The following NAALADL2 variants were observed in gnomAD, a reference collection of about 807,000 sequenced individuals.
NAALADL2 encodes the protein inactive N-acetylated-alpha-linked acidic dipeptidase-like protein 2.
NAALADL2 carries 76 observed loss-of-function variants against 87.2 expected under a neutral mutation model. The observed-to-expected ratio is 0.87, with a 90% CI of 0.72 to 1.05. The LOEUF (loss-of-function observed/expected upper bound fraction) is 1.05, where lower values mean the gene tolerates loss of function less well. Ranked by LOEUF, NAALADL2 falls within the 50% of genes least tolerant of loss-of-function variation. The pLI is 0.00. For missense variants in NAALADL2, 1,089 were observed against 945.8 expected, an observed-to-expected ratio of 1.15 and a Z score of -1.99; for synonymous variants, 354 against 331.0, an observed-to-expected ratio of 1.07 and a Z score of -0.75.
Position 175,628,743 on chromosome 3 carries a change from T to A in NAALADL2, c.1896+1357T>A, listed in dbSNP as rs578218083. Among the ~76,000 whole-genome samples the A allele has an allele frequency of 6.0e-4, 90 of 150,220 alleles. No individual in the cohort carries two copies. In the South Asian group the frequency reaches 7.9e-3, roughly 13 times the overall value. On this transcript the variant is annotated intron_variant, in intron 11 of 13. Coordinates refer to ENST00000454872, the MANE Select transcript of NAALADL2 (RefSeq NM_207015.3). ...TAGTGAAACTTTATGTAGTTGTTTT[T>A]TTCTTTTAAAAAGAGGAAATATGGT...
chr3:175,728,186 G>A (rs1048138629), intron 11 of NAALADL2, among the ~76,000 whole-genome samples: 7 of 152,040 alleles, frequency 4.6e-5, no homozygotes, highest in South Asian at 2.1e-4. Flanking sequence ...CTGTTTTTTC[G>A]AATATACAAG....
At chr3:175,662,310 T>A (rs564956850) in intron 11 of NAALADL2, among the ~76,000 whole-genome samples, 5 of 152,014 alleles carry the variant, frequency 3.3e-5, no homozygotes, top group Non-Finnish European at 7.4e-5. Context: ...CATTAGAACA[T>A]AGAAAAGCTA....
chr3:174,748,162 G>A (rs1734462143), intron 3 of NAALADL2, among the ~76,000 whole-genome samples: 1 of 152,006 alleles, frequency 6.6e-6, no homozygotes, highest in Admixed American at 6.6e-5. Flanking sequence ...GGTCTGTCAT[G>A]GGGGTGGAGG....
chr3:175,422,629 A>G (rs1464995086), intron 5 of NAALADL2, among the ~76,000 whole-genome samples: 3 of 151,810 alleles, frequency 2.0e-5, no homozygotes, highest in Admixed American at 6.6e-5. Context: ...CCAGAACGTG[A>G]TGTGCATCAC....
intron 2 of NAALADL2, among the ~76,000 whole-genome samples, chr3:174,690,788 A>G (rs946511863): frequency 2.0e-5 from 3 of 152,188 alleles, no homozygotes; most frequent in Non-Finnish European, 2.9e-5. Context: ...TTCTTAATGT[A>G]AATATCCACT....
At chr3:174,837,326 A>G (rs2109401741) in intron 3 of NAALADL2, among the ~76,000 whole-genome samples, 1 of 152,352 alleles carries the variant, frequency 6.6e-6, no homozygotes, top group East Asian at 1.9e-4. Flanking sequence ...AACTGACACC[A>G]CAGAAATACA....
intron 1 of NAALADL2, among the ~76,000 whole-genome samples, chr3:174,870,081 G>A (rs1294597774): frequency 6.6e-6 from 1 of 151,332 alleles, no homozygotes; most frequent in Non-Finnish European, 1.5e-5. Flanking sequence ...TTGTGGGTGT[G>A]TGTGTGTATG....
At chr3:174,984,769 A>G (rs75956605) in intron 1 of NAALADL2, among the ~76,000 whole-genome samples, 1 of 152,222 alleles carries the variant, frequency 6.6e-6, no homozygotes, top group East Asian at 1.9e-4. Flanking sequence ...TAGGGAAGGC[A>G]CATACAATTG....
rs1328987020 is a variant in NAALADL2, at chr3:175,765,460, G to T, written c.2189+10042G>T. Reference sequence around the variant, plus strand: ...ACAAAGAACATACCTCATTTTAACAGACAACATTCAAATACAATTTGATTA... The same window carrying T: ...ACAAAGAACATACCTCATTTTAACATACAACATTCAAATACAATTTGATTA... On this transcript the variant is annotated intron_variant, in intron 13 of 13. Transcript: ENST00000454872. Among the ~76,000 whole-genome samples, 3 of 151,900 alleles carry T rather than the reference G, an allele frequency of 2.0e-5. 1 individual carries two copies. Among genetic ancestry groups the T allele is most frequent in the African/African-American group, 7.3e-5 (3 of 41,378 alleles).
intron 9 of NAALADL2, among the ~76,000 whole-genome samples, chr3:175,483,913 AT>A (rs1165396560): frequency 6.6e-6 from 1 of 152,010 alleles, no homozygotes; most frequent in Non-Finnish European, 1.5e-5. Flanking sequence ...TGATTATTAT[AT>A]TGTTTTCTGG....
At chr3:175,333,638 A>G (rs1581461806) in intron 5 of NAALADL2, among the ~76,000 whole-genome samples, 1 of 152,220 alleles carries the variant, frequency 6.6e-6, no homozygotes, top group Non-Finnish European at 1.5e-5. Context: ...ATGGAGATAG[A>G]GAGTAGAATG....
At chr3:175,139,814 C>T (rs1729725017) in intron 2 of NAALADL2, among the ~76,000 whole-genome samples, 2 of 152,120 alleles carry the variant, frequency 1.3e-5, no homozygotes, top group African/African-American at 4.8e-5. Flanking sequence ...AAATTAGTTT[C>T]ATGCTCTTTG....
At chr3:174,714,792 C>T (rs932104285) in intron 2 of NAALADL2, among the ~76,000 whole-genome samples, 1 of 152,038 alleles carries the variant, frequency 6.6e-6, no homozygotes, top group African/African-American at 2.4e-5. Context: ...CCTTTATTTC[C>T]TTCTCCTGCC....
At chr3:175,684,846 C>T (rs917039165) in intron 11 of NAALADL2, among the ~76,000 whole-genome samples, 2 of 152,040 alleles carry the variant, frequency 1.3e-5, no homozygotes, top group Non-Finnish European at 2.9e-5. Context: ...TTGATATGTA[C>T]AAATCTTTGA....
intron 2 of NAALADL2, among the ~76,000 whole-genome samples, chr3:174,603,755 A>G (rs373556894): frequency 4.3e-4 from 66 of 152,066 alleles, no homozygotes; most frequent in African/African-American, 1.5e-3. Context: ...GCTGTATTCC[A>G]TAGGTTTTTG....
chr3:174,635,228 ATTGGAG>A (rs768693248), intron 2 of NAALADL2, among the ~76,000 whole-genome samples: 5 of 152,182 alleles, frequency 3.3e-5, no homozygotes, highest in Non-Finnish European at 5.9e-5. Context: ...TCGTATAGAA[ATTGGAG>A]TGTACTGACC....
In NAALADL2 at chr3:175,307,458, A is replaced by G. The variant is rs974211258; in HGVS notation, c.940-16717A>G. ...AGTAATAAAAATAAAGGTGTCTGGA[A>G]TATTCTTGTACCCTTGAACATTTGG... On this transcript the variant is annotated intron_variant, in intron 4 of 13. Coordinates refer to ENST00000454872, the MANE Select transcript of NAALADL2 (RefSeq NM_207015.3). Among the ~76,000 whole-genome samples the G allele has an allele frequency of 2.6e-5, 4 of 152,316 alleles. No homozygotes were observed. The East Asian group carries it at 7.7e-4, about 29-fold the overall frequency.
Position 175,223,649 on chromosome 3 carries a change from C to T in NAALADL2, c.546-10282C>T, listed in dbSNP as rs189784330. 7.7e-3 allele frequency among the ~76,000 whole-genome samples: 1,177 copies of T among 152,138 alleles called. 16 individuals carry two copies. The highest frequency in any genetic ancestry group is 8.4e-3 in the Non-Finnish European group (571 of 68,004). On this transcript the variant is annotated intron_variant, in intron 2 of 13. Coordinates refer to ENST00000454872, the MANE Select transcript of NAALADL2 (RefSeq NM_207015.3). ...ATAATTTTCTTTGGATATATACCCACAAGAAAGTATATAAAAATTTGAATC... is the reference window on the plus strand; with the variant it reads ...ATAATTTTCTTTGGATATATACCCATAAGAAAGTATATAAAAATTTGAATC...
At chr3:175,076,763 C>T (rs1347406093) in intron 1 of NAALADL2, among the ~76,000 whole-genome samples, 1 of 152,102 alleles carries the variant, frequency 6.6e-6, no homozygotes, top group Admixed American at 6.5e-5. Context: ...ACAATTGACA[C>T]AATTATACTA....
Sources: allele counts gnomAD v4.1 joint callset (sites outside exome capture counted in the v4.1 genomes callset), GRCh38; gene constraint gnomAD v4.1.1; transcripts MANE v1.5; gene names NCBI Gene and HGNC (gene_info 2026-07-23, HGNC 2026-07-21).